The following TNPO1 variants were observed in gnomAD, a reference collection of about 807,000 sequenced individuals.
The protein encoded by TNPO1 is transportin-1.
In TNPO1, 8 loss-of-function variants were observed where a neutral mutation model predicts 119.5. That is an observed-to-expected ratio of 0.07 (90% CI 0.04 to 0.12). The LOEUF is 0.12. TNPO1 is among the 10% of genes least tolerant of loss of function. The pLI is 1.00. For missense variants in TNPO1, 576 were observed against 1,089.8 expected (o/e 0.53, Z 6.64); for synonymous variants, 362 against 363.0 (o/e 1.00, Z 0.03).
rs1278733387 is a variant in TNPO1 at position 72,911,306 on chromosome 5, TGTA to T, written c.*2636_*2638del. 2 of 152,162 alleles carry T rather than the reference TGTA, an allele frequency of 1.3e-5. No homozygotes were observed. The highest frequency in any genetic ancestry group is 2.9e-5 in the Non-Finnish European group (2 of 67,924). 9.4% of individuals were successfully genotyped at this position (152,162 alleles called of 1,614,324 possible). On this transcript the variant is annotated 3_prime_UTR_variant, in exon 25 of 25. Coordinates refer to ENST00000337273, the MANE Select transcript of TNPO1 (RefSeq NM_002270.4). ...ACACTATTAAAAATGCACCCAGTTT[TGTA>T]GTCACTTGACTTTTTTTTTTTATTT...
At position 72,912,443 on chromosome 5, in the gene TNPO1, C is replaced by G. The variant is rs1325881831; in HGVS notation, c.*3770C>G. 6.6e-6 allele frequency: 1 copy of G among 152,442 alleles called. No individual in the cohort carries two copies. The highest frequency in any genetic ancestry group is 1.5e-5 in the Non-Finnish European group (1 of 67,920). The allele number at this position is 152,442 out of a possible 1,614,324, so 9.4% of individuals were successfully genotyped here. On this transcript the variant is annotated 3_prime_UTR_variant, in exon 25 of 25. Coordinates refer to ENST00000337273, the MANE Select transcript of TNPO1 (RefSeq NM_002270.4). Reference sequence around the variant, plus strand: ...TACTCAGTTATAAAATATTCAGATACAAGTTTTATCTCAGGTGAATACTCT... The same window carrying G: ...TACTCAGTTATAAAATATTCAGATAGAAGTTTTATCTCAGGTGAATACTCT...
intron 18 of TNPO1, among the ~76,000 whole-genome samples, chr5:72,895,614 G>C (rs971194400): frequency 5.9e-5 from 9 of 151,944 alleles, no homozygotes; most frequent in African/African-American, 1.9e-4. Flanking sequence ...AAGAAACCCT[G>C]GCTTACATCT....
At chr5:72,824,990 C>A (rs1744140978) in intron 1 of TNPO1, among the ~76,000 whole-genome samples, 1 of 152,202 alleles carries the variant, frequency 6.6e-6, no homozygotes, top group African/African-American at 2.4e-5. Context: ...AGACCAAAAT[C>A]TTGGCCTTAT....
At chr5:72,890,108 G>T in intron 14 of TNPO1, 151 bp downstream of exon 14, 3 of 810,584 alleles carry the variant, frequency 3.7e-6, no homozygotes, top group Non-Finnish European at 5.7e-6. Context: ...AAGGCAGCAA[G>T]TATATCCCCT....
intron 20 of TNPO1, among the ~76,000 whole-genome samples, chr5:72,899,760 T>C (rs2112485034): frequency 6.6e-6 from 1 of 152,304 alleles, no homozygotes; most frequent in African/African-American, 2.4e-5. Flanking sequence ...TCTCAATCTT[T>C]AGATTTTTTT....
At chr5:72,868,468 A>T (rs1287445509) in intron 6 of TNPO1, among the ~76,000 whole-genome samples, 1 of 150,570 alleles carries the variant, frequency 6.6e-6, no homozygotes, top group Non-Finnish European at 1.5e-5. Context: ...AACACAAAAT[A>T]ATATATCAGG....
intron 18 of TNPO1, among the ~76,000 whole-genome samples, chr5:72,895,885 C>T (rs1295962458): frequency 6.6e-6 from 1 of 152,122 alleles, no homozygotes; most frequent in African/African-American, 2.4e-5. Flanking sequence ...GCTAGTGTGA[C>T]TTCATGATGT....
At chr5:72,903,565 T>C (rs558819413) in intron 22 of TNPO1, 144 bp from the exon 23 acceptor site, 2 of 594,572 alleles carry the variant, frequency 3.4e-6, no homozygotes, top group South Asian at 4.7e-5. Context: ...TCTCTTCTAA[T>C]TCCTTATGAT....
intron 7 of TNPO1, among the ~76,000 whole-genome samples, chr5:72,873,541 C>T (rs998569841): frequency 6.6e-6 from 1 of 152,000 alleles, no homozygotes; most frequent in African/African-American, 2.4e-5. Context: ...CAAGTTAAAA[C>T]CAAAATGTGT....
At chr5:72,844,921 A>T (rs1017911125) in intron 1 of TNPO1, among the ~76,000 whole-genome samples, 5 of 152,148 alleles carry the variant, frequency 3.3e-5, no homozygotes, top group Non-Finnish European at 7.3e-5. Context: ...TTTTTATGTA[A>T]ATTTAAGTTA....
rs896425169 is a variant in TNPO1, at chr5:72,909,461, C to T, written c.*788C>T. On this transcript the variant is annotated 3_prime_UTR_variant, in exon 25 of 25. Coordinates refer to ENST00000337273, the MANE Select transcript of TNPO1 (RefSeq NM_002270.4). ...AATTTTGCATTGAACATTAATGTAG[C>T]GGATATAATTTGATGATTATACTTC... The T allele has an allele frequency of 1.3e-4, 20 of 152,104 alleles. No homozygotes were observed. Among genetic ancestry groups the T allele is most frequent in the African/African-American group, 4.6e-4 (19 of 41,484 alleles). The allele number at this position is 152,104 out of a possible 1,614,324, so 9.4% of individuals were successfully genotyped here. A position where few individuals can be genotyped will look rare whatever the true frequency, so the allele number is the denominator to read the frequency against.
chr5:72,826,963 A>T (rs1043540196), intron 1 of TNPO1, among the ~76,000 whole-genome samples: 4 of 152,130 alleles, frequency 2.6e-5, no homozygotes, highest in Non-Finnish European at 4.4e-5. Context: ...TTTAATGAAG[A>T]GATGAGAAAA....
Position 72,877,302 on chromosome 5 carries a change from T to C in TNPO1, c.876T>C (p.Ala292=). Residue 292 remains alanine, a synonymous_variant, in exon 9 of 25, where the codon GCT becomes GCC. Coordinates refer to ENST00000337273, the MANE Select transcript of TNPO1 (RefSeq NM_002270.4). Reference sequence around the variant, plus strand: ...CCTGTGAATTTTGGCTAACTTTAGCTGAACAGCCAATATGCAAAGATGTAC... The same window carrying C: ...CCTGTGAATTTTGGCTAACTTTAGCCGAACAGCCAATATGCAAAGATGTAC... The part of the protein sequence containing the change: ...LEACEFWLTL[A]EQPICKDVLV... The C allele has an allele frequency of 6.2e-7, 1 of 1,612,916 alleles. No homozygotes were observed. The highest frequency in any genetic ancestry group is 8.5e-7 in the Non-Finnish European group (1 of 1,179,206).
rs149524436 is a variant in TNPO1 at position 72,892,330 on chromosome 5, C to A, written c.1788+434C>A. Among the ~76,000 whole-genome samples, 302 of 151,828 alleles carry A rather than the reference C, an allele frequency of 2.0e-3. 3 individuals carry two copies. Among genetic ancestry groups the A allele is most frequent in the African/African-American group, 7.1e-3 (292 of 41,368 alleles). On this transcript the variant is annotated intron_variant, in intron 15 of 24. Coordinates refer to ENST00000337273, the MANE Select transcript of TNPO1 (RefSeq NM_002270.4). The stretch of plus-strand genomic sequence containing the variant: ...ATTGCAAACTTTTATATGATGTTCT[C>A]GTAACTGAACACACTGTGAAATGTA...
At chr5:72,817,960 C>T (rs1047068684) in intron 1 of TNPO1, among the ~76,000 whole-genome samples, 16 of 152,162 alleles carry the variant, frequency 1.1e-4, no homozygotes, top group African/African-American at 3.9e-4. Context: ...TACCTGGCAC[C>T]GTAGTTGTTC....
intron 15 of TNPO1, 150 bp downstream of exon 15, chr5:72,892,046 AC>A: frequency 5.1e-6 from 3 of 592,628 alleles, no homozygotes; most frequent in Non-Finnish European, 5.8e-6. Context: ...AACCTGCTTT[AC>A]TTAATTGATA....
chr5:72,885,209 G>A (rs968405908), intron 11 of TNPO1, among the ~76,000 whole-genome samples: 1 of 152,202 alleles, frequency 6.6e-6, no homozygotes, highest in African/African-American at 2.4e-5. Context: ...CAAGAAAACT[G>A]CAGAAAGAGA....
At chr5:72,816,966 G>T in intron 1 of TNPO1, 1 of 522,954 alleles carries the variant, frequency 1.9e-6, no homozygotes. Context: ...TAGGGAGCAG[G>T]CGACGGCGGC....
chr5:72,913,695 T>C lies in TNPO1; in HGVS notation c.*5022T>C, dbSNP rs1233339152. 1 of 152,546 alleles carries C rather than the reference T, an allele frequency of 6.6e-6. No homozygotes were observed. Among genetic ancestry groups the C allele is most frequent in the Non-Finnish European group, 1.5e-5 (1 of 67,958 alleles). The allele number at this position is 152,546 out of a possible 1,614,324, so 9.4% of individuals were successfully genotyped here. Reference sequence around the variant, plus strand: ...ATTACATCTTTTTAAAAGCCTATTATAACATGGTTAGCCTATAAGGCAGTG... The same window carrying C: ...ATTACATCTTTTTAAAAGCCTATTACAACATGGTTAGCCTATAAGGCAGTG... On this transcript the variant is annotated 3_prime_UTR_variant, in exon 25 of 25. Transcript: ENST00000337273.
Sources: gnomAD v4.1 joint callset for allele counts (sites outside exome capture counted in the v4.1 genomes callset) on GRCh38, gnomAD v4.1.1 for gene constraint, MANE v1.5 for transcripts, NCBI Gene and HGNC (gene_info 2026-07-23, HGNC 2026-07-21) for gene names.